The following RNASE4 variants were observed in gnomAD, a reference collection of about 807,000 sequenced individuals.
The protein encoded by RNASE4 is ribonuclease 4.
For missense variants in RNASE4, 194 were observed against 192.8 expected, an observed-to-expected ratio of 1.01 and a Z score of -0.04; for synonymous variants, 93 against 71.4, an observed-to-expected ratio of 1.30 and a Z score of -1.52.
At chr14:20,689,920 A>G (rs1886629536) in intron 1 of RNASE4, among the ~76,000 whole-genome samples, 1 of 150,700 alleles carries the variant, frequency 6.6e-6, no homozygotes, top group African/African-American at 2.4e-5. Flanking sequence ...TGTCTCAAAA[A>G]AAAAAAAAAA....
At chr14:20,685,826 G>C (rs1262201410) in intron 1 of RNASE4, among the ~76,000 whole-genome samples, 1 of 152,082 alleles carries the variant, frequency 6.6e-6, no homozygotes, top group East Asian at 1.9e-4. Flanking sequence ...TGCATCACAA[G>C]ATCAGGAGTT....
intron 1 of RNASE4, among the ~76,000 whole-genome samples, chr14:20,690,265 A>C (rs940065342): frequency 6.6e-6 from 1 of 151,566 alleles, no homozygotes; most frequent in African/African-American, 2.4e-5. Flanking sequence ...AAAAGAAAAA[A>C]AGGACAGAGA....
At chr14:20,687,873 G>A (rs776315534) in intron 1 of RNASE4, among the ~76,000 whole-genome samples, 32 of 152,296 alleles carry the variant, frequency 2.1e-4, no homozygotes, top group Admixed American at 3.9e-4. Flanking sequence ...GACAACAGAG[G>A]ATTGAGGATT....
At chr14:20,688,745 C>A (rs1197524538) in intron 1 of RNASE4, 1 of 984,674 alleles carries the variant, frequency 1.0e-6, no homozygotes, top group Non-Finnish European at 1.2e-6. Context: ...ATATTAGGAA[C>A]ACTATATAAT....
At chr14:20,689,813 G>A (rs1289497422) in intron 1 of RNASE4, among the ~76,000 whole-genome samples, 4 of 151,958 alleles carry the variant, frequency 2.6e-5, no homozygotes, top group Non-Finnish European at 5.9e-5. Context: ...CTACTTGGGA[G>A]GCTGAGGCAG....
intron 1 of RNASE4, among the ~76,000 whole-genome samples, chr14:20,689,343 G>A (rs1424450654): frequency 6.6e-6 from 1 of 152,204 alleles, no homozygotes; most frequent in Non-Finnish European, 1.5e-5. Flanking sequence ...CTCACTGGCA[G>A]GTTGAAGGGA....
intron 1 of RNASE4, among the ~76,000 whole-genome samples, chr14:20,692,916 C>T (rs1042082332): frequency 6.6e-6 from 1 of 152,062 alleles, no homozygotes; most frequent in Non-Finnish European, 1.5e-5. Flanking sequence ...GGCGCGATCT[C>T]GGCTCACTGC....
intron 1 of RNASE4, among the ~76,000 whole-genome samples, chr14:20,693,069 G>T (rs111700190): frequency 3.3e-5 from 5 of 151,590 alleles, no homozygotes; most frequent in African/African-American, 9.7e-5. Context: ...GGATGGTCTC[G>T]ATCTCCTGAC....
intron 1 of RNASE4, among the ~76,000 whole-genome samples, chr14:20,695,068 A>G (rs982040019): frequency 2.6e-5 from 4 of 152,204 alleles, no homozygotes; most frequent in Admixed American, 2.0e-4. Context: ...TACTTTATCA[A>G]CTAATGTCTG....
intron 1 of RNASE4, among the ~76,000 whole-genome samples, chr14:20,685,864 A>C (rs1016715715): frequency 4.6e-5 from 7 of 151,782 alleles, no homozygotes; most frequent in East Asian, 1.9e-4. Context: ...AGATGGTGAA[A>C]CCTCGTCTCT....
At chr14:20,694,007 A>T in intron 1 of RNASE4, 1 of 1,614,120 alleles carries the variant, frequency 6.2e-7, no homozygotes, top group Middle Eastern at 1.6e-4. Context: ...CGTCGTCCGT[A>T]ACCAGCGGGC....
chr14:20,694,001 G>A (rs1886970228), intron 1 of RNASE4: 11 of 1,613,876 alleles, frequency 6.8e-6, no homozygotes, highest in South Asian at 1.1e-5. Context: ...ATTTTCCGTC[G>A]TCCGTAACCA....
At chr14:20,698,238 A>G (rs975180977) in intron 1 of RNASE4, among the ~76,000 whole-genome samples, 2 of 152,146 alleles carry the variant, frequency 1.3e-5, no homozygotes, top group Admixed American at 6.5e-5. Flanking sequence ...AGAGGTGACA[A>G]CACAATGATG....
chr14:20,693,927 A>T lies in RNASE4; in HGVS notation c.-17-5428A>T, dbSNP rs2228653. On this transcript the variant is annotated intron_variant, in intron 1 of 1. Coordinates refer to ENST00000555835, the MANE Select transcript of RNASE4 (RefSeq NM_002937.5). ...GGCCTCCATGCCAGTACCGAGCCAC[A>T]GCGGGGTTCAGAAACGTTGTTGTTG... The T allele has an allele frequency of 3.0e-3, 4,780 of 1,614,146 alleles. 91 individuals carry two copies. The African/African-American group carries it at 0.045, about 15-fold the overall frequency.
intron 1 of RNASE4, among the ~76,000 whole-genome samples, chr14:20,696,797 T>A (rs1338112558): frequency 6.6e-6 from 1 of 152,194 alleles, no homozygotes; most frequent in African/African-American, 2.4e-5. Context: ...GGCCTTGTTA[T>A]AGGCGCTTAG....
chr14:20,686,091 G>A (rs1200391652), intron 1 of RNASE4, among the ~76,000 whole-genome samples: 1 of 151,286 alleles, frequency 6.6e-6, no homozygotes, highest in Non-Finnish European at 1.5e-5. Flanking sequence ...TTCCAGGCCG[G>A]CGAATGCAAT....
Position 20,700,372 on chromosome 14 carries a change from T to C in RNASE4, c.*557T>C, listed in dbSNP as rs2064052067. 2 of 167,122 alleles carry C rather than the reference T, an allele frequency of 1.2e-5. No homozygotes were observed. The highest frequency in any genetic ancestry group is 4.8e-5 in the African/African-American group (2 of 41,446). The allele number at this position is 167,122 out of a possible 1,614,324, so 10.4% of individuals were successfully genotyped here. On this transcript the variant is annotated 3_prime_UTR_variant, in exon 2 of 2. Transcript: ENST00000555835. ...CAGGGAGGCATTAAAAATTTGGAAA[T>C]GTATGCCAGCAAAATGTGAGCTCTG... is the stretch of plus-strand genomic sequence containing the variant.
At chr14:20,690,239 A>AAAAAAAAAAAAAG (rs1886667469) in intron 1 of RNASE4, among the ~76,000 whole-genome samples, 2 of 149,734 alleles carry the variant, frequency 1.3e-5, no homozygotes, top group African/African-American at 4.9e-5. Flanking sequence ...AAAAAAAAAA[A>AAAAAAAAAAAAAG]AAAAAAAAAG....
Sources: gnomAD v4.1 joint callset for allele counts (sites outside exome capture counted in the v4.1 genomes callset) on GRCh38, gnomAD v4.1.1 for gene constraint, MANE v1.5 for transcripts, NCBI Gene and HGNC (gene_info 2026-07-23, HGNC 2026-07-21) for gene names.